BLM: variants seen among roughly 807,000 people sequenced by gnomAD.
The protein encoded by BLM is recQ-like DNA helicase BLM.
Under a neutral mutation model 135.3 loss-of-function variants are expected in BLM, and 95 were observed. That is an observed-to-expected ratio of 0.70 (90% confidence interval 0.59 to 0.83). BLM has a LOEUF of 0.83. Ranked by LOEUF, BLM falls within the 40% of genes least tolerant of loss-of-function variation. The probability of loss-of-function intolerance (pLI) is 0.00; values close to 1 mark genes in which losing one functional copy is unlikely to be tolerated. For synonymous variants in BLM, 520 were observed against 589.2 expected (o/e 0.88, Z 1.70); for missense variants, 1,518 against 1,663.9 (o/e 0.91, Z 1.53).
At chr15:90,793,126 A>T (rs1216593380) in intron 15 of BLM, among the ~76,000 whole-genome samples, 4 of 151,676 alleles carry the variant, frequency 2.6e-5, no homozygotes, top group Non-Finnish European at 4.4e-5. Context: ...AATATTTTTT[A>T]AAAATTATTT....
chr15:90,807,223 CAGA>C (rs933273889), intron 19 of BLM, among the ~76,000 whole-genome samples: 1 of 152,114 alleles, frequency 6.6e-6, no homozygotes. Context: ...TTGATGATAC[CAGA>C]AGGTGTCAAC....
chr15:90,724,343 C>T (rs1225556647), intron 1 of BLM, among the ~76,000 whole-genome samples: 1 of 152,082 alleles, frequency 6.6e-6, no homozygotes, highest in Non-Finnish European at 1.5e-5. Flanking sequence ...CTGAATATTT[C>T]ATTCTATGCG....
At chr15:90,807,576 T>C (rs1046360453) in intron 19 of BLM, among the ~76,000 whole-genome samples, 1 of 152,030 alleles carries the variant, frequency 6.6e-6, no homozygotes, top group Non-Finnish European at 1.5e-5. Context: ...GCTTTTTTAT[T>C]TTTTTGCAGA....
intron 16 of BLM, among the ~76,000 whole-genome samples, chr15:90,795,137 A>G (rs959178265): frequency 6.6e-5 from 10 of 152,322 alleles, no homozygotes; most frequent in African/African-American, 2.4e-4. Flanking sequence ...CATGGTATGG[A>G]CCAATTCATA....
At chr15:90,783,069 C>G in intron 13 of BLM, 141 bp downstream of exon 13, 1 of 664,350 alleles carries the variant, frequency 1.5e-6, no homozygotes, top group South Asian at 1.8e-5. Flanking sequence ...CAGACTATTG[C>G]AACTCTCTCA....
Position 90,765,423 on chromosome 15 carries a change from T to C in BLM, c.2193+9T>C, listed in dbSNP as rs780311860. 3 of 1,555,996 alleles carry C rather than the reference T, an allele frequency of 1.9e-6. No homozygotes were observed. Among genetic ancestry groups the C allele is most frequent in the Non-Finnish European group, 2.7e-6 (3 of 1,128,058 alleles). ...AGCTGACTTCCTTGGATGTAAGTTA[T>C]AAAAATACTAATAAAAACACGCCTT... On this transcript the variant is annotated intron_variant, in intron 9 of 21. Transcript: ENST00000355112.
At chr15:90,735,359 T>A (rs2151135963) in intron 1 of BLM, among the ~76,000 whole-genome samples, 1 of 150,340 alleles carries the variant, frequency 6.7e-6, no homozygotes, top group South Asian at 2.1e-4. Flanking sequence ...CTAGACAAGT[T>A]GATTCTAAAG....
At chr15:90,733,356 C>T (rs1895117118) in intron 1 of BLM, among the ~76,000 whole-genome samples, 1 of 152,066 alleles carries the variant, frequency 6.6e-6, no homozygotes. Context: ...GCTCAATTTC[C>T]ATTGAATAAG....
At chr15:90,772,984 C>G (rs1219705378) in intron 12 of BLM, among the ~76,000 whole-genome samples, 1 of 149,432 alleles carries the variant, frequency 6.7e-6, no homozygotes, top group Non-Finnish European at 1.5e-5. Context: ...GTAATCCCAG[C>G]TACTGGGGAA....
intron 8 of BLM, among the ~76,000 whole-genome samples, chr15:90,764,447 A>C (rs464822): frequency 0.35 from 53,082 of 151,438 alleles, 9,747 homozygotes; most frequent in Non-Finnish European, 0.42. Flanking sequence ...AACTGGGTTC[A>C]AACAATCCCC....
intron 1 of BLM, among the ~76,000 whole-genome samples, chr15:90,744,829 C>A (rs1484229009): frequency 6.6e-6 from 1 of 151,882 alleles, no homozygotes; most frequent in Non-Finnish European, 1.5e-5. Context: ...GCAGGAGGAT[C>A]CCTTGAGCAC....
At chr15:90,770,137 C>A (rs1173789129) in intron 12 of BLM, among the ~76,000 whole-genome samples, 1 of 149,858 alleles carries the variant, frequency 6.7e-6, no homozygotes, top group South Asian at 2.1e-4. Context: ...ATCCATAATT[C>A]TTCAGTAACA....
At chr15:90,756,984 T>C (rs1441910027) in intron 5 of BLM, among the ~76,000 whole-genome samples, 1 of 152,250 alleles carries the variant, frequency 6.6e-6, no homozygotes, top group East Asian at 1.9e-4. Flanking sequence ...CAAGATAAAG[T>C]GCCTAGTACA....
At chr15:90,728,244 C>T (rs1436806134) in intron 1 of BLM, among the ~76,000 whole-genome samples, 1 of 152,148 alleles carries the variant, frequency 6.6e-6, no homozygotes, top group African/African-American at 2.4e-5. Context: ...CTGTGTTGCC[C>T]AGGCTGCTCT....
At chr15:90,802,002 G>A (rs1897176611) in intron 17 of BLM, among the ~76,000 whole-genome samples, 1 of 152,080 alleles carries the variant, frequency 6.6e-6, no homozygotes, top group East Asian at 1.9e-4. Context: ...GTGGCAGTGA[G>A]CTGTGATCCC....
At chr15:90,742,167 G>A (rs568970681) in intron 1 of BLM, among the ~76,000 whole-genome samples, 3 of 152,234 alleles carry the variant, frequency 2.0e-5, no homozygotes, top group Non-Finnish European at 4.4e-5. Context: ...CCCAGTTAAG[G>A]TAAAGCTGAG....
rs587779890 is a variant in BLM at position 90,811,398 on chromosome 15, G to C, written c.4068G>C (p.Lys1356Asn). 3 of 1,614,148 alleles carry C rather than the reference G, an allele frequency of 1.9e-6. No homozygotes were observed. The African/African-American group carries it at 4.0e-5, about 22-fold the overall frequency. ...KRRKTASSGSKAKGGSATCRK... is the reference protein window; with the variant it reads ...KRRKTASSGSNAKGGSATCRK... The stretch of plus-strand genomic sequence containing the variant: ...GAAAAACTGCTTCCAGTGGTTCCAA[G>C]GCAAAGGGGTATGTTTTGTGACATC... The change falls in exon 21 of 22, where the codon AAG becomes AAC. Residue 1356 changes from lysine (K) to asparagine (N), a missense_variant. Transcript: ENST00000355112.
In BLM at chr15:90,755,536, G is replaced by T. The variant is rs28385008; in HGVS notation, c.1087+598G>T. Among the ~76,000 whole-genome samples the T allele has an allele frequency of 9.8e-3, 1,498 of 152,090 alleles. 15 individuals are homozygous for T. The highest frequency in any genetic ancestry group is 0.027 in the Middle Eastern group (8 of 292). On this transcript the variant is annotated intron_variant, in intron 5 of 21. Transcript: ENST00000355112. ...CTAGTGTAAATAATCAGATAGCAGT[G>T]CAAGACTTTGATAAACGACAGTCCC...
intron 19 of BLM, among the ~76,000 whole-genome samples, chr15:90,807,205 G>A (rs1412300320): frequency 6.6e-6 from 1 of 152,158 alleles, no homozygotes; most frequent in Non-Finnish European, 1.5e-5. Context: ...TTTGAAGGTG[G>A]TGGTTTCTTG....
Sources: allele counts gnomAD v4.1 joint callset (sites outside exome capture counted in the v4.1 genomes callset), GRCh38; gene constraint gnomAD v4.1.1; transcripts MANE v1.5; gene names NCBI Gene and HGNC (gene_info 2026-07-23, HGNC 2026-07-21).